Variants in NEB observed in about 807,000 individuals in gnomAD.
NEB encodes nebulin, also known as nemaline myopathy type 2.
A neutral mutation model predicts 952.2 loss-of-function variants in NEB; 512 were observed. The observed-to-expected ratio is 0.54, with a 90% CI of 0.50 to 0.58. NEB has a LOEUF of 0.58. NEB is among the 20% of genes least tolerant of loss of function. The probability of loss-of-function intolerance (pLI) is 0.00; values close to 1 mark genes in which losing one functional copy is unlikely to be tolerated. For missense variants in NEB, 8,428 were observed against 9,231.1 expected (o/e 0.91, Z 3.56); for synonymous variants, 2,900 against 3,149.8 (o/e 0.92, Z 2.66).
rs1016434403 is a variant in NEB at position 151,627,137 on chromosome 2, C to T, written c.10212G>A (p.Val3404=). The change falls in exon 70 of 182, where the codon GTG becomes GTA. Residue 3404 remains valine (V), a synonymous_variant. Transcript: ENST00000397345. ...TTTCAGCAGCTCTCTTGCACTTGAC[C>T]ACATCCATAGACCCAATGGGGACCC... ...IGWVPIGSMD[V]VKCKRAAEIL... is the part of the protein sequence containing the mutation. The T allele has an allele frequency of 1.2e-6, 2 of 1,613,944 alleles. No homozygotes were observed. The highest frequency in any genetic ancestry group is 2.2e-5 in the East Asian group (1 of 44,876).
intron 131 of NEB, among the ~76,000 whole-genome samples, chr2:151,547,957 T>C (rs1043957630): frequency 2.6e-5 from 4 of 152,204 alleles, no homozygotes; most frequent in Non-Finnish European, 5.9e-5. Context: ...GATGGTTGCA[T>C]AGTAGGATCA....
intron 124 of NEB, 46 bp from the exon 125 acceptor site, chr2:151,555,090 G>C: frequency 1.5e-6 from 2 of 1,299,668 alleles, no homozygotes; most frequent in Non-Finnish European, 2.2e-6. Context: ...AGAGAGTAAT[G>C]GATTTATATT....
chr2:151,665,268 T>C, intron 42 of NEB, 65 bp downstream of exon 42: 1 of 1,481,798 alleles, frequency 6.7e-7, no homozygotes, highest in Non-Finnish European at 9.4e-7. Flanking sequence ...ATTGGGGCAC[T>C]GCCAGGCTCA....
At chr2:151,536,948 T>C (rs2093307918) in intron 141 of NEB, among the ~76,000 whole-genome samples, 184 bp downstream of exon 141, 1 of 152,136 alleles carries the variant, frequency 6.6e-6, no homozygotes, top group South Asian at 2.1e-4. Flanking sequence ...AATAAATGCC[T>C]TCAGTCAATG....
chr2:151,720,758 T>G (rs1370549492), intron 9 of NEB, among the ~76,000 whole-genome samples: 1 of 152,234 alleles, frequency 6.6e-6, no homozygotes, highest in Admixed American at 6.5e-5. Context: ...ATCCTTTTGC[T>G]GGCTCCTGTT....
At chr2:151,518,625 A>G (rs1274744056) in intron 155 of NEB, among the ~76,000 whole-genome samples, 1 of 152,240 alleles carries the variant, frequency 6.6e-6, no homozygotes, top group Non-Finnish European at 1.5e-5. Flanking sequence ...CACTTAGGTT[A>G]TGTGGCTTGT....
chr2:151,607,374 C>A lies in NEB; in HGVS notation c.12639+130G>T. On this transcript the variant is annotated intron_variant, in intron 83 of 181. Coordinates refer to ENST00000397345, the MANE Select transcript of NEB (RefSeq NM_001164508.2). The stretch of plus-strand genomic sequence containing the variant: ...ATTCATATCGCATTGGGACTGGTAG[C>A]TAAAGAGAAAATGTCTAGCACCAAA... The A allele has an allele frequency of 6.8e-6, 3 of 439,228 alleles. 1 individual carries two copies. 27.2% of individuals were successfully genotyped at this position (439,228 alleles called of 1,614,324 possible). A position where few individuals can be genotyped will look rare whatever the true frequency, so the allele number is the denominator to read the frequency against.
In NEB at chr2:151,727,790, C is replaced by G. The variant is rs79524813; in HGVS notation, c.195G>C (p.Pro65=). 1.9e-6 allele frequency: 3 copies of G among 1,613,006 alleles called. No individual in the cohort carries two copies. Among genetic ancestry groups the G allele is most frequent in the Non-Finnish European group, 2.5e-6 (3 of 1,179,406 alleles). ...TCCGGATGACCTTCCTCCTCTCCAC[C>G]GGCTTTGCTGATGCTGGCTGTGCCA... ...PALAQPASAK[P]VERRKVIRKK... Residue 65 remains proline, a synonymous_variant, in exon 5 of 182, where the codon CCG becomes CCC. Transcript: ENST00000397345.
At position 151,563,815 on chromosome 2, in the gene NEB, A is replaced by G; in HGVS notation, c.18579+8T>C. 6.2e-7 allele frequency: 1 copy of G among 1,613,204 alleles called. No individual in the cohort carries two copies. Among genetic ancestry groups the G allele is most frequent in the Non-Finnish European group, 8.5e-7 (1 of 1,179,332 alleles). On this transcript the variant is annotated splice_region_variant and intron_variant, in intron 118 of 181. Coordinates refer to ENST00000397345, the MANE Select transcript of NEB (RefSeq NM_001164508.2). Reference sequence around the variant, plus strand: ...CTCAAACTTAGGAGAGGAAAAGGTCATACTGACCTCACTGTTCACCAGATC... The same window carrying G: ...CTCAAACTTAGGAGAGGAAAAGGTCGTACTGACCTCACTGTTCACCAGATC...
intron 36 of NEB, 53 bp from the exon 37 acceptor site, chr2:151,672,733 C>T (rs1173244395): frequency 3.8e-5 from 55 of 1,435,820 alleles, no homozygotes; most frequent in Non-Finnish European, 5.2e-5. Flanking sequence ...AGCATTAGCG[C>T]TGCAATTACA....
Position 151,717,535 on chromosome 2 carries a change from G to T in NEB, c.718-15C>A. On this transcript the variant is annotated splice_polypyrimidine_tract_variant and intron_variant, in intron 9 of 181. Transcript: ENST00000397345. ...TTGTAGGCAACCTGATGAAATAAAAGACAGGGATGTATTTTAAAAACGATT... is the reference window on the plus strand; with the variant it reads ...TTGTAGGCAACCTGATGAAATAAAATACAGGGATGTATTTTAAAAACGATT... 1 of 1,566,342 alleles carries T rather than the reference G, an allele frequency of 6.4e-7. No individual in the cohort carries two copies. The highest frequency in any genetic ancestry group is 8.8e-7 in the Non-Finnish European group (1 of 1,137,134).
At position 151,642,558 on chromosome 2, in the gene NEB, T is replaced by G. The variant is rs372804275; in HGVS notation, c.8373+16A>C. ...TGAGCCAAAGCTAAGGCAAATAACT[T>G]TCCAAGTATACTTACTTCACTTGCA... On this transcript the variant is annotated intron_variant, in intron 60 of 181. Coordinates refer to ENST00000397345, the MANE Select transcript of NEB (RefSeq NM_001164508.2). 3 of 1,596,274 alleles carry G rather than the reference T, an allele frequency of 1.9e-6. No individual in the cohort carries two copies. Among genetic ancestry groups the G allele is most frequent in the African/African-American group, 2.7e-5 (2 of 74,460 alleles).
chr2:151,561,694 T>A (rs568626255), intron 121 of NEB, among the ~76,000 whole-genome samples: 1 of 152,082 alleles, frequency 6.6e-6, no homozygotes, highest in African/African-American at 2.4e-5. Flanking sequence ...CTTTTAACAT[T>A]CCATTACAAC....
intron 72 of NEB, among the ~76,000 whole-genome samples, chr2:151,620,506 A>G (rs1184491133): frequency 6.6e-6 from 1 of 151,658 alleles, no homozygotes; most frequent in Non-Finnish European, 1.5e-5. Flanking sequence ...GTAAAGAAAT[A>G]TTGGTTCTGT....
intron 107 of NEB, 114 bp from the exon 108 acceptor site, chr2:151,570,715 G>T: frequency 1.1e-6 from 1 of 911,692 alleles, no homozygotes; most frequent in Non-Finnish European, 1.7e-6. Flanking sequence ...GGACTTGAGA[G>T]CAGTTAAAGA....
chr2:151,555,006 A>C lies in NEB; in HGVS notation c.19353T>G (p.Leu6451=), dbSNP rs2095555833. 6.2e-7 allele frequency: 1 copy of C among 1,613,716 alleles called. No homozygotes were observed. The highest frequency in any genetic ancestry group is 8.5e-7 in the Non-Finnish European group (1 of 1,179,652). The change falls in exon 125 of 182, where the codon CTT becomes CTG. Residue 6451 remains leucine, a synonymous_variant. Transcript: ENST00000397345. ...CGTCAACACTTCTTGGTAACGTATA[A>C]AGAGCTTTGAACTTTTCATATTCTT... is the stretch of plus-strand genomic sequence containing the variant. ...YREEYEKFKA[L]YTLPRSVDDD...
rs373778424 is a variant in NEB, at chr2:151,656,166, C to T, written c.6482G>A (p.Arg2161His). 4.3e-5 allele frequency: 68 copies of T among 1,592,406 alleles called. No individual in the cohort carries two copies. In the South Asian group the frequency reaches 4.5e-4, roughly 11 times the overall value. ...MNIELTRNMN[R>H]IQSDNEYKQD... ...AGAAAGCCTTACATCACTCTGTATG[C>T]GATTCATATTCCTGGTCAGCTCAAT... The change falls in exon 49 of 182, where the codon CGC becomes CAC. Residue 2161 changes from arginine to histidine, a missense_variant. This residue lies in a region of NEB where 2,851 missense variants were observed against 2,791.5 expected (regional missense o/e 1.02). Coordinates refer to ENST00000397345, the MANE Select transcript of NEB (RefSeq NM_001164508.2).
At chr2:151,607,327 T>A (rs71415168) in intron 83 of NEB, among the ~76,000 whole-genome samples, 177 bp downstream of exon 83, 1,509 of 101,868 alleles carry the variant, frequency 0.015, 215 homozygotes, top group East Asian at 0.046. Context: ...ATCCAAGCAC[T>A]CATTTAAAAG....
chr2:151,652,455 CT>C (rs1231123532), intron 52 of NEB, among the ~76,000 whole-genome samples: 1 of 152,090 alleles, frequency 6.6e-6, no homozygotes, highest in African/African-American at 2.4e-5. Context: ...GAACTCCTGG[CT>C]TCAAATCATC....
Sources: allele counts gnomAD v4.1 joint callset (sites outside exome capture counted in the v4.1 genomes callset), GRCh38; gene constraint gnomAD v4.1.1; regional missense constraint gnomAD v4.1.1; transcripts MANE v1.5; gene names NCBI Gene and HGNC (gene_info 2026-07-23, HGNC 2026-07-21).